RPS6KC1: variants seen among roughly 807,000 people sequenced by gnomAD.
RPS6KC1 encodes inactive ribosomal protein S6 kinase delta-1.
In RPS6KC1, 54 loss-of-function variants were observed where a neutral mutation model predicts 103.8. That is an observed-to-expected ratio of 0.52 (90% CI 0.42 to 0.65). The LOEUF (loss-of-function observed/expected upper bound fraction) is 0.65. RPS6KC1 is among the 30% of genes least tolerant of loss of function. RPS6KC1 has a pLI of 0.00. For missense variants in RPS6KC1, 1,151 were observed against 1,253.8 expected (o/e 0.92, Z 1.24); for synonymous variants, 439 against 438.7 (o/e 1.00, Z -0.01).
chr1:213,230,476 T>C, intron 8 of RPS6KC1, 21 bp from the exon 9 acceptor site: 1 of 1,547,536 alleles, frequency 6.5e-7, no homozygotes, highest in Non-Finnish European at 8.9e-7. Flanking sequence ...TAATAAATTA[T>C]TACTCGTGTC....
chr1:213,350,861 C>A, the RPS6KC1 span, among the ~76,000 whole-genome samples: 2 of 151,904 alleles, frequency 1.3e-5, no homozygotes, highest in Admixed American at 1.3e-4. Context: ...AGTGTATATA[C>A]TTATATTCAC....
the RPS6KC1 span, among the ~76,000 whole-genome samples, chr1:213,459,926 G>T: frequency 1.3e-5 from 2 of 152,162 alleles, no homozygotes; most frequent in African/African-American, 2.4e-5. Context: ...CTGAGTTCTA[G>T]TTTGATTGCA....
At chr1:213,816,704 C>G in the RPS6KC1 span, among the ~76,000 whole-genome samples, 1 of 152,236 alleles carries the variant, frequency 6.6e-6, no homozygotes, top group Non-Finnish European at 1.5e-5. Flanking sequence ...TGATCCCTCT[C>G]TCTCCTTCCC....
chr1:213,713,572 C>T, the RPS6KC1 span, among the ~76,000 whole-genome samples: 85,205 of 152,040 alleles, frequency 0.56, 25,504 homozygotes, highest in African/African-American at 0.78. Flanking sequence ...AAGTTGCATT[C>T]TCCTAGGACA....
intron 6 of RPS6KC1, among the ~76,000 whole-genome samples, chr1:213,148,219 T>A (rs1052867734): frequency 1.3e-5 from 2 of 152,170 alleles, no homozygotes; most frequent in Admixed American, 1.3e-4. Context: ...AGTACTGTGT[T>A]GAATAACAGT....
chr1:213,252,866 T>G (rs921930634), intron 12 of RPS6KC1, among the ~76,000 whole-genome samples: 2 of 152,178 alleles, frequency 1.3e-5, no homozygotes, highest in East Asian at 3.8e-4. Context: ...ATTATGTTAC[T>G]TATGTGATAA....
chr1:213,218,478 T>C (rs1303077640), intron 8 of RPS6KC1, among the ~76,000 whole-genome samples: 1 of 152,250 alleles, frequency 6.6e-6, no homozygotes, highest in Admixed American at 6.5e-5. Context: ...GCCATCCTCA[T>C]CAAGCTACCA....
the RPS6KC1 span, among the ~76,000 whole-genome samples, chr1:213,355,341 G>C: frequency 4.6e-5 from 7 of 152,276 alleles, no homozygotes; most frequent in East Asian, 1.4e-3. Context: ...TTTCAGACCA[G>C]CTGGAAGGGC....
the RPS6KC1 span, among the ~76,000 whole-genome samples, chr1:213,731,058 G>C: frequency 6.6e-6 from 1 of 152,272 alleles, no homozygotes; most frequent in Non-Finnish European, 1.5e-5. Context: ...TGTTAGGCTT[G>C]TCGAAGATCA....
chr1:213,191,454 A>G (rs2841437), intron 8 of RPS6KC1, among the ~76,000 whole-genome samples: 1,939 of 152,256 alleles, frequency 0.013, 16 homozygotes, highest in Non-Finnish European at 0.02. Flanking sequence ...CTGTTGGCGT[A>G]TAGACATGCT....
intron 8 of RPS6KC1, among the ~76,000 whole-genome samples, chr1:213,205,981 A>T (rs945897844): frequency 2.6e-5 from 4 of 152,126 alleles, no homozygotes; most frequent in African/African-American, 9.7e-5. Flanking sequence ...GTGCTCAAAA[A>T]GTTTTAGATT....
At chr1:213,150,317 TATTTA>T (rs2088537046) in intron 6 of RPS6KC1, among the ~76,000 whole-genome samples, 2 of 150,844 alleles carry the variant, frequency 1.3e-5, no homozygotes, top group Admixed American at 1.3e-4. Context: ...TTTATTTATT[TATTTA>T]TTTATTTTTT....
the RPS6KC1 span, among the ~76,000 whole-genome samples, chr1:213,376,933 G>A: frequency 6.6e-6 from 1 of 152,302 alleles, no homozygotes. Context: ...AGGGCTTGTG[G>A]TCGGGGGGAC....
At chr1:213,859,425 T>G in the RPS6KC1 span, among the ~76,000 whole-genome samples, 1 of 152,184 alleles carries the variant, frequency 6.6e-6, no homozygotes, top group East Asian at 1.9e-4. Context: ...GAATGAAGCT[T>G]CTAGGTCAAG....
chr1:213,380,413 A>G, the RPS6KC1 span, among the ~76,000 whole-genome samples: 3 of 152,192 alleles, frequency 2.0e-5, no homozygotes, highest in African/African-American at 7.2e-5. Flanking sequence ...TAATCTGTAT[A>G]ACAAACCCCC....
chr1:213,272,396 T>G, intron 14 of RPS6KC1, 128 bp from the exon 15 acceptor site: 1 of 676,978 alleles, frequency 1.5e-6, no homozygotes, highest in Non-Finnish European at 2.6e-6. Flanking sequence ...AGAAAAATGG[T>G]CACTTGGCTA....
the RPS6KC1 span, among the ~76,000 whole-genome samples, chr1:213,728,937 G>GTTTTTTTTTTTTTT: frequency 4.6e-3 from 432 of 93,386 alleles, 101 homozygotes; most frequent in African/African-American, 0.013. Context: ...GAACATGAGG[G>GTTTTTTTTTTTTTT]TTTTTTTTTT....
chr1:213,112,906 A>C lies in RPS6KC1; in HGVS notation c.379-4411A>C, dbSNP rs527591010. ...AAAGGACATGAACTCATCCTTTTTTATGGCTGCATAGTATTCCATGGTGTA... is the reference window on the plus strand; with the variant it reads ...AAAGGACATGAACTCATCCTTTTTTCTGGCTGCATAGTATTCCATGGTGTA... On this transcript the variant is annotated intron_variant, in intron 4 of 14. Coordinates refer to ENST00000366960, the MANE Select transcript of RPS6KC1 (RefSeq NM_012424.6). Among the ~76,000 whole-genome samples the C allele has an allele frequency of 3.1e-3, 475 of 152,256 alleles. 4 individuals carry two copies. The highest frequency in any genetic ancestry group is 0.011 in the African/African-American group (440 of 41,526).
chr1:213,445,142 G>A, the RPS6KC1 span, among the ~76,000 whole-genome samples: 4 of 152,108 alleles, frequency 2.6e-5, no homozygotes, highest in Non-Finnish European at 5.9e-5. Flanking sequence ...TTAGCATAAT[G>A]TTTTCAGGGT....
Sources: gnomAD v4.1 joint callset for allele counts (sites outside exome capture counted in the v4.1 genomes callset) on GRCh38, gnomAD v4.1.1 for gene constraint, MANE v1.5 for transcripts, NCBI Gene and HGNC (gene_info 2026-07-23, HGNC 2026-07-21) for gene names.